The following SUSD4 variants were observed in gnomAD, a reference collection of about 807,000 sequenced individuals.
SUSD4 encodes the protein sushi domain-containing protein 4.
Under a neutral mutation model 50.5 loss-of-function variants are expected in SUSD4, and 41 were observed. The observed-to-expected ratio is 0.81, with a 90% confidence interval of 0.63 to 1.05. The LOEUF is 1.05. Ranked by LOEUF, SUSD4 falls within the 50% of genes least tolerant of loss-of-function variation. SUSD4 has a pLI of 0.00. For synonymous variants in SUSD4, 257 were observed against 257.3 expected, an observed-to-expected ratio of 1.00 and a Z score of 0.01; for missense variants, 580 against 634.7, an observed-to-expected ratio of 0.91 and a Z score of 0.93.
intron 2 of SUSD4, among the ~76,000 whole-genome samples, chr1:223,338,368 C>T (rs1463678445): frequency 2.6e-5 from 4 of 152,074 alleles, no homozygotes; most frequent in Non-Finnish European, 5.9e-5. Flanking sequence ...CCATTTAGTA[C>T]AACTGAAAAA....
At chr1:223,323,937 C>T (rs1245172360) in intron 2 of SUSD4, among the ~76,000 whole-genome samples, 4 of 151,820 alleles carry the variant, frequency 2.6e-5, no homozygotes, top group African/African-American at 9.7e-5. Flanking sequence ...AAAAAAGAGA[C>T]CTTAACTGAA....
intron 2 of SUSD4, among the ~76,000 whole-genome samples, chr1:223,336,932 T>A (rs1346163156): frequency 6.6e-6 from 1 of 152,148 alleles, no homozygotes; most frequent in Admixed American, 6.5e-5. Flanking sequence ...TTGAAGCCCA[T>A]GGAACCTGGT....
intron 5 of SUSD4, chr1:223,235,221 A>C: frequency 9.4e-7 from 1 of 1,065,642 alleles, no homozygotes; most frequent in Non-Finnish European, 1.3e-6. Flanking sequence ...GAGCAGTTTT[A>C]GGTTCACAGC....
At chr1:223,257,457 G>T (rs772494447) in intron 5 of SUSD4, among the ~76,000 whole-genome samples, 6 of 152,176 alleles carry the variant, frequency 3.9e-5, no homozygotes, top group Non-Finnish European at 7.3e-5. Flanking sequence ...GCCCAGGGTG[G>T]ATGCTGGACC....
chr1:223,234,964 T>A, intron 5 of SUSD4: 1 of 1,585,388 alleles, frequency 6.3e-7, no homozygotes, highest in Non-Finnish European at 8.5e-7. Flanking sequence ...AGAACAGAGA[T>A]GTGGTGGTGC....
chr1:223,269,759 G>A (rs1054671871), intron 3 of SUSD4, among the ~76,000 whole-genome samples: 3 of 152,128 alleles, frequency 2.0e-5, no homozygotes, highest in African/African-American at 7.2e-5. Context: ...ATTTCCTCCA[G>A]AAATTTCTCA....
chr1:223,360,811 A>T (rs911428954), intron 2 of SUSD4, among the ~76,000 whole-genome samples: 2 of 152,150 alleles, frequency 1.3e-5, no homozygotes, highest in East Asian at 3.9e-4. Flanking sequence ...TTGTGGATGA[A>T]AAAAAAGCAC....
chr1:223,362,251 A>AT (rs564643121), intron 2 of SUSD4, among the ~76,000 whole-genome samples: 8 of 151,966 alleles, frequency 5.3e-5, no homozygotes, highest in African/African-American at 1.7e-4. Flanking sequence ...TTTTTCACTC[A>AT]TTTTTTTTCC....
At chr1:223,364,652 C>T (rs1669213041), upstream of SUSD4, among the ~76,000 whole-genome samples, 1 of 151,236 alleles carries the variant, frequency 6.6e-6, no homozygotes. This position sits in a 1 kb window ranked among gnomAD's most constrained non-coding sequence, Gnocchi z 4.5. Flanking sequence ...GGCCTCCGCG[C>T]GGCCTCTGGT....
intron 2 of SUSD4, among the ~76,000 whole-genome samples, chr1:223,306,739 C>A (rs1665556193): frequency 6.6e-6 from 1 of 152,154 alleles, no homozygotes; most frequent in Admixed American, 6.5e-5. Context: ...GCGATCTGCC[C>A]ATCTTGGCCT....
chr1:223,233,297 A>G (rs1660009767), intron 5 of SUSD4, among the ~76,000 whole-genome samples: 1 of 152,234 alleles, frequency 6.6e-6, no homozygotes, highest in African/African-American at 2.4e-5. Context: ...TTTGCTGTAA[A>G]GGAAACCCCA....
chr1:223,295,886 G>A (rs1173626663), intron 2 of SUSD4, among the ~76,000 whole-genome samples: 2 of 151,524 alleles, frequency 1.3e-5, no homozygotes, highest in Non-Finnish European at 2.9e-5. Flanking sequence ...AAGTGATTAC[G>A]ATCAGATTCG....
upstream of SUSD4, among the ~76,000 whole-genome samples, chr1:223,364,885 G>A (rs760021109): frequency 1.5e-4 from 23 of 152,100 alleles, no homozygotes; most frequent in Non-Finnish European, 3.1e-4. This position sits in a 1 kb window ranked among gnomAD's most constrained non-coding sequence, Gnocchi z 4.5. Context: ...CGTCCCCAGG[G>A]AGCCCGAAGG....
intron 3 of SUSD4, among the ~76,000 whole-genome samples, chr1:223,283,803 T>C (rs1663935888): frequency 1.3e-5 from 2 of 152,336 alleles, no homozygotes; most frequent in Non-Finnish European, 1.5e-5. Context: ...GCAGCACTAT[T>C]CACAATAGCA....
rs1312794224 is a variant in SUSD4, at chr1:223,292,687, T to C, written c.149-36A>G. On this transcript the variant is annotated intron_variant, in intron 2 of 8. Coordinates refer to ENST00000366878, the MANE Select transcript of SUSD4 (RefSeq NM_017982.4). ...AAAGAGAGGAAAAGGTGCCTATGAA[T>C]ATGTTCTCTCAATGCCAAGGGCCTT... 23 of 1,605,862 alleles carry C rather than the reference T, an allele frequency of 1.4e-5. No individual in the cohort carries two copies. In the South Asian group the frequency reaches 1.5e-4, roughly 11 times the overall value.
In SUSD4 at chr1:223,229,524, T is replaced by C. The variant is rs963059856; in HGVS notation, c.725-136A>G. 4 of 783,218 alleles carry C rather than the reference T, an allele frequency of 5.1e-6. No individual in the cohort carries two copies. The South Asian group carries it at 1.1e-4, about 22-fold the overall frequency. The allele number at this position is 783,218 out of a possible 1,614,324, so 48.5% of individuals were successfully genotyped here. A position where few individuals can be genotyped will look rare whatever the true frequency, so the allele number is the denominator to read the frequency against. On this transcript the variant is annotated intron_variant, in intron 5 of 8. Transcript: ENST00000366878. The surrounding 1 kb of genome is among the most constrained non-coding windows in gnomAD (Gnocchi z 4.7). ...TTAATCACCAGGCTACTGAGTTGCA[T>C]TAGAGATGGTCTCTTTTTTAGTATT...
chr1:223,279,942 A>G (rs891132158), intron 3 of SUSD4, among the ~76,000 whole-genome samples: 12 of 152,206 alleles, frequency 7.9e-5, no homozygotes, highest in Non-Finnish European at 1.8e-4. Context: ...CAACATTCTT[A>G]AAGAAAAGAA....
At chr1:223,292,888 C>T (rs1271349410) in intron 2 of SUSD4, among the ~76,000 whole-genome samples, 3 of 152,078 alleles carry the variant, frequency 2.0e-5, no homozygotes, top group Non-Finnish European at 4.4e-5. Context: ...AAGGAAGTTA[C>T]AGGAGGAGGG....
intron 5 of SUSD4, 84 bp downstream of exon 5, chr1:223,264,546 T>A (rs975823424): frequency 4.5e-6 from 7 of 1,558,004 alleles, no homozygotes; most frequent in Non-Finnish European, 6.1e-6. Context: ...TTGCCCATCA[T>A]AATTCACAGC....
Sources: gnomAD v4.1 joint callset for allele counts (sites outside exome capture counted in the v4.1 genomes callset) on GRCh38, gnomAD v4.1.1 for gene constraint, Gnocchi (gnomAD v3.1) non-coding constraint, MANE v1.5 for transcripts, NCBI Gene and HGNC (gene_info 2026-07-23, HGNC 2026-07-21) for gene names.